RAB3B: variants seen among roughly 807,000 people sequenced by gnomAD.
RAB3B encodes RAB3B, member RAS oncogene family, also known as ras-related protein Rab-3B.
RAB3B carries 11 observed loss-of-function variants against 20.5 expected under a neutral mutation model. The ratio of observed to expected loss-of-function variants is 0.54; its 90% CI spans 0.34 to 0.89. The LOEUF (loss-of-function observed/expected upper bound fraction) is 0.89. RAB3B is among the 40% of genes least tolerant of loss of function. The probability of loss-of-function intolerance (pLI) is 0.02; values close to 1 mark genes in which losing one functional copy is unlikely to be tolerated. For missense variants in RAB3B, 225 were observed against 280.9 expected (o/e 0.80, Z 1.42); for synonymous variants, 99 against 106.3 (o/e 0.93, Z 0.42).
chr1:51,969,586 T>G (rs934734175), intron 2 of RAB3B, among the ~76,000 whole-genome samples: 5 of 150,882 alleles, frequency 3.3e-5, no homozygotes, highest in African/African-American at 1.2e-4. Context: ...ACTTTAGCCA[T>G]GGCTTCATCC....
At chr1:51,951,687 C>T (rs1684644658) in intron 2 of RAB3B, among the ~76,000 whole-genome samples, 1 of 152,140 alleles carries the variant, frequency 6.6e-6, no homozygotes, top group Admixed American at 6.5e-5. Context: ...TGGCCTACAC[C>T]TGTGGTCCCT....
intron 4 of RAB3B, among the ~76,000 whole-genome samples, chr1:51,920,359 G>A (rs1273836812): frequency 6.6e-6 from 1 of 152,202 alleles, no homozygotes; most frequent in East Asian, 1.9e-4. Flanking sequence ...TCCGGGCTGA[G>A]TCATTTATTC....
At position 51,913,239 on chromosome 1, in the gene RAB3B, T is replaced by C. The variant is rs1684031287; in HGVS notation, c.*6688A>G. The C allele has an allele frequency of 6.6e-6, 1 of 152,168 alleles. No individual in the cohort carries two copies. Among genetic ancestry groups the C allele is most frequent in the African/African-American group, 2.4e-5 (1 of 41,448 alleles). 9.4% of individuals were successfully genotyped at this position (152,168 alleles called of 1,614,324 possible). A position where few individuals can be genotyped will look rare whatever the true frequency, so the allele number is the denominator to read the frequency against. ...TCAAAACTTCTTCATCTCGAGTGTC[T>C]TGATTCCTCCAAAGTAAATCCTTTG... On this transcript the variant is annotated 3_prime_UTR_variant, in exon 5 of 5. Coordinates refer to ENST00000371655, the MANE Select transcript of RAB3B (RefSeq NM_002867.4).
At position 51,982,982 on chromosome 1, in the gene RAB3B, C is replaced by T. The variant is rs562792989; in HGVS notation, c.1-5865G>A. Among the ~76,000 whole-genome samples the T allele has an allele frequency of 2.5e-3, 375 of 152,218 alleles. 3 individuals carry two copies. Among genetic ancestry groups the T allele is most frequent in the Non-Finnish European group, 3.6e-3 (242 of 67,996 alleles). ...TTCACTCACCACTCACTCACTGACT[C>T]CCCCAGAGCAACTGCCGGCCCTGCA... On this transcript the variant is annotated intron_variant, in intron 1 of 4. Transcript: ENST00000371655.
intron 2 of RAB3B, among the ~76,000 whole-genome samples, chr1:51,937,996 C>CTTTTTTTTTTTTT (rs77664152): frequency 1.4e-4 from 12 of 88,594 alleles, no homozygotes; most frequent in East Asian, 7.0e-4. Context: ...ATTTTTGTTT[C>CTTTTTTTTTTTTT]TTTTTTTTTT....
intron 4 of RAB3B, among the ~76,000 whole-genome samples, chr1:51,928,183 C>G (rs12744592): frequency 6.6e-6 from 1 of 152,020 alleles, no homozygotes. Context: ...CTCTGCTCAC[C>G]GCAACCTCCG....
At chr1:51,948,582 AT>A (rs1377260613) in intron 2 of RAB3B, among the ~76,000 whole-genome samples, 1 of 152,148 alleles carries the variant, frequency 6.6e-6, no homozygotes, top group Non-Finnish European at 1.5e-5. Context: ...GTAAACATGT[AT>A]TGGGTGGGGG....
chr1:51,980,405 G>C, intron 1 of RAB3B: 1 of 416,288 alleles, frequency 2.4e-6, no homozygotes, highest in Non-Finnish European at 4.4e-6. Flanking sequence ...TCCAGCTTGG[G>C]CAACAGAGCA....
intron 1 of RAB3B, among the ~76,000 whole-genome samples, chr1:51,985,256 C>T (rs1040263271): frequency 1.3e-5 from 2 of 152,128 alleles, no homozygotes; most frequent in African/African-American, 4.8e-5. Context: ...GATTGTGGCT[C>T]CATTATTTGG....
intron 1 of RAB3B, chr1:51,980,816 T>C (rs978069047): frequency 8.9e-5 from 66 of 744,258 alleles, no homozygotes; most frequent in Non-Finnish European, 1.4e-4. Context: ...CCAAAGCCCA[T>C]GTAAGGAGCT....
intron 4 of RAB3B, among the ~76,000 whole-genome samples, chr1:51,932,163 T>C (rs1684336025): frequency 6.6e-6 from 1 of 152,080 alleles, no homozygotes; most frequent in Non-Finnish European, 1.5e-5. Flanking sequence ...ATAATACAAA[T>C]ATATAAAACA....
chr1:51,920,710 C>T (rs1376976356), intron 4 of RAB3B, among the ~76,000 whole-genome samples: 1 of 152,140 alleles, frequency 6.6e-6, no homozygotes, highest in African/African-American at 2.4e-5. Context: ...TATGAGAAGC[C>T]CAGGTTTTGG....
rs1684109601 is a variant in RAB3B, at chr1:51,917,817, G to A, written c.*2110C>T. 1 of 152,208 alleles carries A rather than the reference G, an allele frequency of 6.6e-6. No individual in the cohort carries two copies. Among genetic ancestry groups the A allele is most frequent in the African/African-American group, 2.4e-5 (1 of 41,406 alleles). 9.4% of individuals were successfully genotyped at this position (152,208 alleles called of 1,614,324 possible). On this transcript the variant is annotated 3_prime_UTR_variant, in exon 5 of 5. Coordinates refer to ENST00000371655, the MANE Select transcript of RAB3B (RefSeq NM_002867.4). Reference sequence around the variant, plus strand: ...GTTCCTCCTGCCTTGGCTTTCCAAAGTGCTGGGATTACAGGTGTGAGCCAC... The same window carrying A: ...GTTCCTCCTGCCTTGGCTTTCCAAAATGCTGGGATTACAGGTGTGAGCCAC...
chr1:51,983,781 G>T (rs1685116987), intron 1 of RAB3B, among the ~76,000 whole-genome samples: 2 of 149,120 alleles, frequency 1.3e-5, no homozygotes, highest in South Asian at 4.2e-4. Context: ...CCAACATGGT[G>T]AAATCCAGTC....
Position 51,940,832 on chromosome 1 carries a change from T to G in RAB3B, c.229-3420A>C, listed in dbSNP as rs1318148007. Among the ~76,000 whole-genome samples, 7 of 152,306 alleles carry G rather than the reference T, an allele frequency of 4.6e-5. 1 individual carries two copies. In the South Asian group the frequency reaches 1.5e-3, roughly 32 times the overall value. On this transcript the variant is annotated intron_variant, in intron 2 of 4. Coordinates refer to ENST00000371655, the MANE Select transcript of RAB3B (RefSeq NM_002867.4). ...TCCATTAAGGACTGGCTGGGTGCTC[T>G]GCTTTTTGTCATCTTTATTCCAGGA...
chr1:51,944,432 A>C (rs1481491797), intron 2 of RAB3B, among the ~76,000 whole-genome samples: 1 of 152,204 alleles, frequency 6.6e-6, no homozygotes. Context: ...ATCAAGGAGT[A>C]ATTTTGACTT....
At chr1:51,988,141 G>A (rs1685174710) in intron 1 of RAB3B, among the ~76,000 whole-genome samples, 2 of 152,168 alleles carry the variant, frequency 1.3e-5, no homozygotes, top group African/African-American at 4.8e-5. Context: ...AAGGTCAACT[G>A]TATATGCAAT....
chr1:51,978,794 T>C (rs575606080), intron 1 of RAB3B, among the ~76,000 whole-genome samples: 1 of 152,220 alleles, frequency 6.6e-6, no homozygotes, highest in African/African-American at 2.4e-5. Context: ...CCTGTTTTTT[T>C]CCCCAAGGGC....
intron 1 of RAB3B, among the ~76,000 whole-genome samples, chr1:51,985,714 T>C (rs890952143): frequency 6.6e-6 from 1 of 152,164 alleles, no homozygotes; most frequent in Admixed American, 6.5e-5. Flanking sequence ...GAAAAATACA[T>C]GTAGCCTCGT....
Sources: gnomAD v4.1 joint callset for allele counts (sites outside exome capture counted in the v4.1 genomes callset) on GRCh38, gnomAD v4.1.1 for gene constraint, MANE v1.5 for transcripts, NCBI Gene and HGNC (gene_info 2026-07-23, HGNC 2026-07-21) for gene names.